Variants in ZNF23 observed in about 807,000 individuals in gnomAD.
The protein encoded by ZNF23 is kruppel-like zinc finger factor X31.
Under a neutral mutation model 56.2 loss-of-function variants are expected in ZNF23, and 48 were observed. The observed-to-expected ratio is 0.85, with a 90% CI of 0.68 to 1.09. The LOEUF is 1.09. Ranked by LOEUF, ZNF23 falls within the 50% of genes least tolerant of loss-of-function variation. The pLI is 0.00. For missense variants in ZNF23, 805 were observed against 811.4 expected (o/e 0.99, Z 0.10); for synonymous variants, 266 against 283.3 (o/e 0.94, Z 0.61).
rs532016221 is a variant in ZNF23, at chr16:71,451,418, G to A, written c.269-1533C>T. On this transcript the variant is annotated intron_variant, in intron 4 of 4. Coordinates refer to ENST00000647773, the MANE Select transcript of ZNF23 (RefSeq NM_001381984.1). Reference sequence around the variant, plus strand: ...CCAACTAAAAAAATAATACTCATCTGTTGCTATAGACTGAATGTTTGTCCT... The same window carrying A: ...CCAACTAAAAAAATAATACTCATCTATTGCTATAGACTGAATGTTTGTCCT... The A allele has an allele frequency of 3.3e-5, 5 of 152,246 alleles. No individual in the cohort carries two copies. The East Asian group carries it at 7.7e-4, about 23-fold the overall frequency. 9.4% of individuals were successfully genotyped at this position (152,246 alleles called of 1,614,324 possible). A position where few individuals can be genotyped will look rare whatever the true frequency, so the allele number is the denominator to read the frequency against.
chr16:71,448,117 A>C lies in ZNF23; in HGVS notation c.2037T>G (p.Ser679Arg), dbSNP rs1375789503. The C allele has an allele frequency of 6.2e-7, 1 of 1,605,088 alleles. No homozygotes were observed. Among genetic ancestry groups the C allele is most frequent in the Non-Finnish European group, 8.5e-7 (1 of 1,176,664 alleles). ...ATTAGGATTTTCCTTCACTATGGAC[A>C]CTCTGATGCTGACTGAGCTGGAAGC... ...RFSFQLSQHQ[S>R]VHSEGKS Residue 679 changes from serine (S) to arginine (R), a missense_variant, in exon 5 of 5, where the codon AGT (serine) becomes AGG (arginine). Physicochemically the swap from Ser to Arg is moderately radical, Grantham distance 110. Transcript: ENST00000647773.
At chr16:71,455,199 G>A (rs145933570) in intron 2 of ZNF23, among the ~76,000 whole-genome samples, 9 of 152,200 alleles carry the variant, frequency 5.9e-5, no homozygotes, top group Non-Finnish European at 1.2e-4. Context: ...ACTGTGTGCC[G>A]CCACCACCAC....
chr16:71,461,071 C>T (rs2043434049), intron 1 of ZNF23, among the ~76,000 whole-genome samples: 1 of 152,026 alleles, frequency 6.6e-6, no homozygotes, highest in African/African-American at 2.4e-5. Context: ...AATTTAAGTA[C>T]ATTGCTTACA....
At chr16:71,458,183 T>TGA (rs753845658) in intron 1 of ZNF23, among the ~76,000 whole-genome samples, 4 of 152,222 alleles carry the variant, frequency 2.6e-5, no homozygotes, top group Non-Finnish European at 4.4e-5. Flanking sequence ...CGTCAGCTCC[T>TGA]GAGAGAGGAG....
intron 4 of ZNF23, chr16:71,451,305 GC>G (rs1438034984): frequency 3.3e-5 from 5 of 151,830 alleles, no homozygotes; most frequent in African/African-American, 1.2e-4. Context: ...TATGCCCCCT[GC>G]CCCAGTATTT....
In ZNF23 at chr16:71,448,870, G is replaced by C. The variant is rs561968566; in HGVS notation, c.1284C>G (p.Ile428Met). ...NNTKLIQHQR[I>M]HTGEKPYECT... The stretch of plus-strand genomic sequence containing the variant: ...ATTCATAGGGTTTCTCACCTGTGTG[G>C]ATTCTCTGATGCTGAATGAGTTTTG... Residue 428 changes from isoleucine to methionine, a missense_variant, in exon 5 of 5, where the codon ATC (isoleucine) becomes ATG (methionine). Physicochemically the swap from Ile to Met is conservative, Grantham distance 10. Coordinates refer to ENST00000647773, the MANE Select transcript of ZNF23 (RefSeq NM_001381984.1). 1.9e-6 allele frequency: 3 copies of C among 1,614,040 alleles called. No individual in the cohort carries two copies. The highest frequency in any genetic ancestry group is 2.5e-6 in the Non-Finnish European group (3 of 1,180,034).
Position 71,459,373 on chromosome 16 carries a change from G to A in ZNF23, c.-32-2545C>T, listed in dbSNP as rs184111679. Among the ~76,000 whole-genome samples, 11 of 152,342 alleles carry A rather than the reference G, an allele frequency of 7.2e-5. No individual in the cohort carries two copies. The East Asian group carries it at 1.5e-3, about 21-fold the overall frequency. On this transcript the variant is annotated intron_variant, in intron 1 of 4. Transcript: ENST00000647773. Reference sequence around the variant, plus strand: ...TGCAAGGCAGAGCCTGTTGAGGGCCGAGCATACCAATGCATCCTTGTACCA... The same window carrying A: ...TGCAAGGCAGAGCCTGTTGAGGGCCAAGCATACCAATGCATCCTTGTACCA...
intron 4 of ZNF23, chr16:71,452,281 AT>A (rs1280218266): frequency 2.0e-5 from 3 of 152,210 alleles, no homozygotes; most frequent in Non-Finnish European, 4.4e-5. Flanking sequence ...GTCTGATAGA[AT>A]GATCAAAAGG....
intron 4 of ZNF23, among the ~76,000 whole-genome samples, chr16:71,452,953 C>T (rs1567562052): frequency 6.6e-6 from 1 of 152,170 alleles, no homozygotes; most frequent in Non-Finnish European, 1.5e-5. Flanking sequence ...TGGCAAGGAA[C>T]CCCCAAACTA....
rs758827992 is a variant in ZNF23, at chr16:71,449,180, C to A, written c.974G>T (p.Cys325Phe). 1 of 1,614,194 alleles carries A rather than the reference C, an allele frequency of 6.2e-7. No homozygotes were observed. The highest frequency in any genetic ancestry group is 8.5e-7 in the Non-Finnish European group (1 of 1,180,042). Residue 325 changes from cysteine to phenylalanine, a missense_variant, in exon 5 of 5, where the codon TGC becomes TTC. Cys to Phe is a radical substitution (Grantham distance 205). Coordinates refer to ENST00000647773, the MANE Select transcript of ZNF23 (RefSeq NM_001381984.1). ...GCTGAAGCCATTTCCACATTCCTTG[C>A]ACTGATAGGGCTTCTCTCCCGTATG... ...RIHTGEKPYQ[C>F]KECGNGFSCS...
At chr16:71,460,226 G>A (rs1276946203) in intron 1 of ZNF23, among the ~76,000 whole-genome samples, 3 of 152,200 alleles carry the variant, frequency 2.0e-5, no homozygotes, top group Non-Finnish European at 2.9e-5. Flanking sequence ...CCATCCAGGA[G>A]TAAGTATGTA....
chr16:71,453,937 A>G, intron 3 of ZNF23, 105 bp downstream of exon 3: 1 of 1,347,064 alleles, frequency 7.4e-7, no homozygotes, highest in Non-Finnish European at 1.1e-6. Context: ...TGGGGTTCTC[A>G]CTCAGTAAAG....
rs1288301753 is a variant in ZNF23, at chr16:71,447,675, AAATT to A, written c.*414_*417del. The A allele has an allele frequency of 6.5e-6, 1 of 153,906 alleles. No homozygotes were observed. Among genetic ancestry groups the A allele is most frequent in the Non-Finnish European group, 1.4e-5 (1 of 69,274 alleles). The allele number at this position is 153,906 out of a possible 1,614,324, so 9.5% of individuals were successfully genotyped here. A position where few individuals can be genotyped will look rare whatever the true frequency, so the allele number is the denominator to read the frequency against. On this transcript the variant is annotated 3_prime_UTR_variant, in exon 5 of 5. Transcript: ENST00000647773. ...GCTTGTTGTCAAAAATTAAACAAAT[AAATT>A]AATGTAGGTAGAGTATCTTTAGTAC...
intron 4 of ZNF23, chr16:71,450,380 GCCTAATA>G: frequency 6.0e-6 from 1 of 165,856 alleles, no homozygotes; most frequent in South Asian, 1.5e-4. Context: ...TTCCCACTGT[GCCTAATA>G]CAAGGCCACT....
Position 71,449,143 on chromosome 16 carries a change from T to C in ZNF23, c.1011A>G (p.Ala337=), listed in dbSNP as rs1478019484. The C allele has an allele frequency of 1.9e-6, 3 of 1,614,096 alleles. No homozygotes were observed. The highest frequency in any genetic ancestry group is 2.5e-6 in the Non-Finnish European group (3 of 1,180,042). The part of the protein sequence containing the change: ...ECGNGFSCSS[A]YITHQRVHTG... ...TGTGGACTCTCTGATGTGTAATATA[T>C]GCAGAACTACAGCTGAAGCCATTTC... The change falls in exon 5 of 5, where the codon GCA becomes GCG. Residue 337 remains alanine, a synonymous_variant. Transcript: ENST00000647773.
intron 4 of ZNF23, chr16:71,451,385 G>T (rs1181817124): frequency 6.6e-6 from 1 of 152,028 alleles, no homozygotes; most frequent in Non-Finnish European, 1.5e-5. Flanking sequence ...AATAATACTG[G>T]TCTCTTCCCA....
chr16:71,457,549 C>G (rs1318238489), intron 1 of ZNF23, among the ~76,000 whole-genome samples: 1 of 150,198 alleles, frequency 6.7e-6, no homozygotes, highest in Non-Finnish European at 1.5e-5. Flanking sequence ...GGCAACAGAG[C>G]AAGACTCCGT....
chr16:71,449,890 A>G lies in ZNF23; in HGVS notation c.269-5T>C. 6.4e-7 allele frequency: 1 copy of G among 1,568,408 alleles called. No individual in the cohort carries two copies. The highest frequency in any genetic ancestry group is 1.2e-5 in the South Asian group (1 of 83,002). ...CATTGTCAGTCTGAATATCTACTAT[A>G]AAAAACAGAAAACATAAAATGTCAT... is the stretch of plus-strand genomic sequence containing the variant. On this transcript the variant is annotated splice_polypyrimidine_tract_variant and splice_region_variant and intron_variant, in intron 4 of 4. Coordinates refer to ENST00000647773, the MANE Select transcript of ZNF23 (RefSeq NM_001381984.1).
chr16:71,458,448 G>T (rs182352803), intron 1 of ZNF23, among the ~76,000 whole-genome samples: 1 of 152,204 alleles, frequency 6.6e-6, no homozygotes, highest in Admixed American at 6.5e-5. Flanking sequence ...TTGAATATAT[G>T]TGCTTTCTAG....
Sources: allele counts gnomAD v4.1 joint callset (sites outside exome capture counted in the v4.1 genomes callset), GRCh38; gene constraint gnomAD v4.1.1; transcripts MANE v1.5; gene names NCBI Gene and HGNC (gene_info 2026-07-23, HGNC 2026-07-21).